LRIG3: variants seen among roughly 807,000 people sequenced by gnomAD.
The protein encoded by LRIG3 is leucine-rich repeats and immunoglobulin-like domains protein 3.
In LRIG3, 76 loss-of-function variants were observed where a neutral mutation model predicts 114.5. The observed-to-expected ratio is 0.66, with a 90% CI of 0.55 to 0.80. The LOEUF (loss-of-function observed/expected upper bound fraction) is 0.80. LRIG3 is among the 30% of genes least tolerant of loss of function. LRIG3 has a pLI of 0.00. For missense variants in LRIG3, 1,239 were observed against 1,382.8 expected (o/e 0.90, Z 1.65); for synonymous variants, 512 against 519.8 (o/e 0.98, Z 0.20).
chr12:58,880,062 C>CA (rs2120882232), intron 13 of LRIG3, among the ~76,000 whole-genome samples: 1 of 152,214 alleles, frequency 6.6e-6, no homozygotes, highest in African/African-American at 2.4e-5. Context: ...TTTGTGAGGC[C>CA]AAGGTGGGCA....
At chr12:58,886,165 G>T (rs931658785) in intron 9 of LRIG3, among the ~76,000 whole-genome samples, 1 of 152,068 alleles carries the variant, frequency 6.6e-6, no homozygotes, top group Non-Finnish European at 1.5e-5. Context: ...GTTTTTCAGA[G>T]TCCTTTTAGG....
rs1268933514 is a variant in LRIG3, at chr12:58,886,825, T to C, written c.1157A>G (p.Asp386Gly). The change falls in exon 9 of 19, where the codon GAC (aspartate) becomes GGC (glycine). Residue 386 changes from aspartate (D) to glycine (G), a missense_variant. By Grantham distance (94) the Asp-to-Gly change is moderately conservative (BLOSUM62 -1). Transcript: ENST00000320743. ...TCATACTCACAGTCGCCTCAGTTTG[T>C]CAAGCCCAGAGAAAGCACCATTCAT... ...EDMNGAFSGL[D>G]KLRRLILQGN... 3.7e-6 allele frequency: 6 copies of C among 1,613,624 alleles called. No homozygotes were observed. Among genetic ancestry groups the C allele is most frequent in the Non-Finnish European group, 5.1e-6 (6 of 1,179,666 alleles).
intron 18 of LRIG3, among the ~76,000 whole-genome samples, chr12:58,873,237 T>C (rs1870797041): frequency 6.6e-6 from 1 of 152,232 alleles, no homozygotes; most frequent in Admixed American, 6.5e-5. Flanking sequence ...TCCTGCCCTT[T>C]CTTCATTAAT....
chr12:58,919,636 T>A, intron 1 of LRIG3: 1 of 1,443,228 alleles, frequency 6.9e-7, no homozygotes, highest in Non-Finnish European at 9.2e-7. Context: ...ACTCCTGATG[T>A]GTGCAGGTTG....
rs1416044258 is a variant in LRIG3 at position 58,920,018 on chromosome 12, G to A, written c.218C>T (p.Pro73Leu). The A allele has an allele frequency of 2.6e-6, 4 of 1,554,188 alleles. No homozygotes were observed. Among genetic ancestry groups the A allele is most frequent in the Admixed American group, 3.9e-5 (2 of 51,086 alleles). The stretch of plus-strand genomic sequence containing the variant: ...TACTTACAGCCGAGCGACCCAGGAC[G>A]GGAGTGGCTCGGGAAGACGCGCTAG... ...KRLARLPEPL[P>L]SWVARLDLSH... Residue 73 changes from proline to leucine, a missense_variant, in exon 1 of 19, where the codon CCG becomes CTG. Pro to Leu is a moderately conservative substitution (Grantham distance 98). Coordinates refer to ENST00000320743, the MANE Select transcript of LRIG3 (RefSeq NM_153377.5).
rs188503078 is a variant in LRIG3 at position 58,908,596 on chromosome 12, A to C, written c.383+5386T>G. On this transcript the variant is annotated intron_variant, in intron 3 of 18. Coordinates refer to ENST00000320743, the MANE Select transcript of LRIG3 (RefSeq NM_153377.5). ...AAGTGACTTCTCTTGTTCTTTTTTT[A>C]CTTTTAATTATTGCTGCTATTGTCA... Among the ~76,000 whole-genome samples, 188 of 152,150 alleles carry C rather than the reference A, an allele frequency of 1.2e-3. 1 individual carries two copies. Among genetic ancestry groups the C allele is most frequent in the African/African-American group, 4.3e-3 (180 of 41,498 alleles).
chr12:58,919,871 C>T, intron 1 of LRIG3, 129 bp downstream of exon 1: 1 of 973,114 alleles, frequency 1.0e-6, no homozygotes. Flanking sequence ...GAGCGCCGAT[C>T]GCGGCCTGGG....
Position 58,876,585 on chromosome 12 carries a change from G to T in LRIG3, c.2555C>A (p.Ala852Glu), listed in dbSNP as rs750696208. Residue 852 changes from alanine to glutamate, a missense_variant, in exon 16 of 19, where the codon GCA becomes GAA. Coordinates refer to ENST00000320743, the MANE Select transcript of LRIG3 (RefSeq NM_153377.5). ...AGATGACAAATAACTAGGAATATCT[G>T]CTGGCAAGTTGGTCTCATCTGTAAT... ...ITNTDETNLP[A>E]DIPSYLSSQG... 1 of 1,614,120 alleles carries T rather than the reference G, an allele frequency of 6.2e-7. No individual in the cohort carries two copies. The highest frequency in any genetic ancestry group is 1.1e-5 in the South Asian group (1 of 91,086).
intron 3 of LRIG3, among the ~76,000 whole-genome samples, chr12:58,902,798 C>A (rs1436583148): frequency 6.9e-6 from 1 of 144,222 alleles, no homozygotes; most frequent in Non-Finnish European, 1.5e-5. Context: ...CAATTCCCAT[C>A]TATGAGTGAG....
chr12:58,885,825 A>C lies in LRIG3; in HGVS notation c.1244+6T>G. 6.4e-7 allele frequency: 1 copy of C among 1,565,644 alleles called. No individual in the cohort carries two copies. Among genetic ancestry groups the C allele is most frequent in the Non-Finnish European group, 8.7e-7 (1 of 1,148,882 alleles). ...CTTTTAGGGTAACTAAATTCTAGCTACTCACAGATGCTCCAATGCATCCAA... is the reference window on the plus strand; with the variant it reads ...CTTTTAGGGTAACTAAATTCTAGCTCCTCACAGATGCTCCAATGCATCCAA... On this transcript the variant is annotated splice_donor_region_variant and intron_variant, in intron 10 of 18. Transcript: ENST00000320743.
At chr12:58,900,594 CT>C (rs2120945855) in intron 3 of LRIG3, among the ~76,000 whole-genome samples, 1 of 152,156 alleles carries the variant, frequency 6.6e-6, no homozygotes, top group Non-Finnish European at 1.5e-5. Flanking sequence ...TTACTATAGT[CT>C]GTTTTACTGA....
intron 16 of LRIG3, 109 bp from the exon 17 acceptor site, chr12:58,874,682 CA>C (rs1383989405): frequency 7.0e-7 from 1 of 1,425,068 alleles, no homozygotes. Flanking sequence ...ACTAGAACAT[CA>C]TATAGACAAA....
At chr12:58,884,403 C>G (rs1871209229) in intron 10 of LRIG3, among the ~76,000 whole-genome samples, 1 of 151,998 alleles carries the variant, frequency 6.6e-6, no homozygotes. Flanking sequence ...GAAGAGAAGA[C>G]AAAGAAAGAA....
intron 3 of LRIG3, among the ~76,000 whole-genome samples, chr12:58,909,715 G>A (rs1390275962): frequency 2.6e-5 from 4 of 152,208 alleles, no homozygotes. Flanking sequence ...GACTGACACA[G>A]TCAGTCAGTA....
At chr12:58,917,200 G>A (rs1872509613) in intron 1 of LRIG3, among the ~76,000 whole-genome samples, 1 of 152,042 alleles carries the variant, frequency 6.6e-6, no homozygotes, top group Non-Finnish European at 1.5e-5. Context: ...CACACCAGCA[G>A]AAACTACCTT....
chr12:58,876,587 T>C lies in LRIG3; in HGVS notation c.2553A>G (p.Pro851=). ...SITNTDETNL[P]ADIPSYLSSQ... is the part of the protein sequence containing the mutation. ...ATGACAAATAACTAGGAATATCTGCTGGCAAGTTGGTCTCATCTGTAATAA... is the reference window on the plus strand; with the variant it reads ...ATGACAAATAACTAGGAATATCTGCCGGCAAGTTGGTCTCATCTGTAATAA... The change falls in exon 16 of 19, where the codon CCA becomes CCG. Residue 851 remains proline (P), a synonymous_variant. Coordinates refer to ENST00000320743, the MANE Select transcript of LRIG3 (RefSeq NM_153377.5). 1 of 1,614,190 alleles carries C rather than the reference T, an allele frequency of 6.2e-7. No homozygotes were observed. The highest frequency in any genetic ancestry group is 8.5e-7 in the Non-Finnish European group (1 of 1,180,022).
intron 1 of LRIG3, among the ~76,000 whole-genome samples, chr12:58,917,799 T>C (rs1872534571): frequency 6.6e-6 from 1 of 152,164 alleles, no homozygotes; most frequent in Non-Finnish European, 1.5e-5. Flanking sequence ...GAAGGTAAGA[T>C]ATGGGGAACA....
At chr12:58,872,930 A>G (rs1592290778) in intron 18 of LRIG3, 114 bp from the exon 19 acceptor site, 3 of 1,396,652 alleles carry the variant, frequency 2.1e-6, no homozygotes, top group African/African-American at 1.4e-5. Context: ...AGTGTTTTCT[A>G]CAAGTCCACA....
rs1412123916 is a variant in LRIG3 at position 58,888,760 on chromosome 12, T to A, written c.803+59A>T. On this transcript the variant is annotated intron_variant, in intron 6 of 18. Coordinates refer to ENST00000320743, the MANE Select transcript of LRIG3 (RefSeq NM_153377.5). The stretch of plus-strand genomic sequence containing the variant: ...GATTTCACATAAGACCTGCTGAATG[T>A]ACACTGAGCATTCTATGATCATACT... 8 of 1,575,898 alleles carry A rather than the reference T, an allele frequency of 5.1e-6. No individual in the cohort carries two copies. The African/African-American group carries it at 1.1e-4, about 21-fold the overall frequency.
Sources: allele counts gnomAD v4.1 joint callset (sites outside exome capture counted in the v4.1 genomes callset), GRCh38; gene constraint gnomAD v4.1.1; transcripts MANE v1.5; gene names NCBI Gene and HGNC (gene_info 2026-07-23, HGNC 2026-07-21).